TRAF5: variants seen among roughly 807,000 people sequenced by gnomAD.
TRAF5 encodes the protein TNF receptor associated factor 5, also known as TNF receptor-associated factor 5.
A neutral mutation model predicts 64.5 loss-of-function variants in TRAF5; 48 were observed. The ratio of observed to expected loss-of-function variants is 0.74; its 90% CI spans 0.59 to 0.95. TRAF5 has a LOEUF of 0.95. Ranked by LOEUF, TRAF5 falls within the 40% of genes least tolerant of loss-of-function variation. The pLI, the probability that TRAF5 is intolerant of heterozygous loss-of-function variation, is 0.00. For missense variants in TRAF5, 545 were observed against 662.8 expected (o/e 0.82, Z 1.95); for synonymous variants, 206 against 240.5 (o/e 0.86, Z 1.33).
In TRAF5 at chr1:211,372,852, G is replaced by GTGC. The variant is rs577701565; in HGVS notation, c.*153_*155dup. 1.0e-3 allele frequency: 668 copies of GTGC among 655,514 alleles called. 3 individuals carry two copies. In the Middle Eastern group the frequency reaches 0.011, roughly 11 times the overall value. 40.6% of individuals were successfully genotyped at this position (655,514 alleles called of 1,614,324 possible). A position where few individuals can be genotyped will look rare whatever the true frequency, so the allele number is the denominator to read the frequency against. On this transcript the variant is annotated 3_prime_UTR_variant, in exon 11 of 11. Transcript: ENST00000261464. Reference sequence around the variant, plus strand: ...TTGAAGTCAGTTTAAAACTTCTGAAGTGCTGTCTTTTTACATTTTACTCTG... The same window carrying GTGC: ...TTGAAGTCAGTTTAAAACTTCTGAAGTGCTGCTGTCTTTTTACATTTTACTCTG...
chr1:211,361,075 A>C lies in TRAF5; in HGVS notation c.622-13A>C. 1 of 1,613,364 alleles carries C rather than the reference A, an allele frequency of 6.2e-7. No individual in the cohort carries two copies. Among genetic ancestry groups the C allele is most frequent in the Non-Finnish European group, 8.5e-7 (1 of 1,179,356 alleles). ...TGATGAATTTCTATAGCTTGTGACT[A>C]TCCATTTCGTAGGTAGATGAACACC... is the stretch of plus-strand genomic sequence containing the variant. On this transcript the variant is annotated splice_polypyrimidine_tract_variant and intron_variant, in intron 6 of 10. Transcript: ENST00000261464.
chr1:211,353,095 G>A, intron 1 of TRAF5, 144 bp from the exon 2 acceptor site: 1 of 828,766 alleles, frequency 1.2e-6, no homozygotes, highest in East Asian at 2.6e-5. Context: ...GCAGGAGGTT[G>A]TCACTGTTGT....
At position 211,329,562 on chromosome 1, in the gene TRAF5, C is replaced by T. The variant is rs138321984; in HGVS notation, c.-2+2673C>T. 2.5e-3 allele frequency among the ~76,000 whole-genome samples: 382 copies of T among 152,328 alleles called. 1 individual carries two copies. The highest frequency in any genetic ancestry group is 8.9e-3 in the African/African-American group (369 of 41,562). ...CAGGACCTAATCCCAAGTCTTCTTTCTCCAATTCCTGTGTTTTTCCCATAG... is the reference window on the plus strand; with the variant it reads ...CAGGACCTAATCCCAAGTCTTCTTTTTCCAATTCCTGTGTTTTTCCCATAG... On this transcript the variant is annotated intron_variant, in intron 1 of 10. Transcript: ENST00000261464.
Position 211,369,562 on chromosome 1 carries a change from C to A in TRAF5, c.900C>A (p.Gly300=). The change falls in exon 9 of 11, where the codon GGC becomes GGA. Residue 300 remains glycine (G), a synonymous_variant. Coordinates refer to ENST00000261464, the MANE Select transcript of TRAF5 (RefSeq NM_001033910.3). ...KEFKQFAQLF[G]KNGSFLPNIQ... ...TCAAGCAGTTTGCACAGTTGTTTGG[C>A]AAAAATGGAAGCTTCCTCCCAAACA... 6.3e-7 allele frequency: 1 copy of A among 1,589,804 alleles called. No homozygotes were observed. The highest frequency in any genetic ancestry group is 8.5e-7 in the Non-Finnish European group (1 of 1,170,868).
chr1:211,365,603 C>T (rs1209184857), intron 8 of TRAF5, 135 bp downstream of exon 8: 18 of 664,832 alleles, frequency 2.7e-5, no homozygotes, highest in Non-Finnish European at 4.4e-5. Context: ...TATTAAGTGG[C>T]CAAACAGGCT....
intron 3 of TRAF5, among the ~76,000 whole-genome samples, 174 bp downstream of exon 3, chr1:211,354,641 G>C (rs918940405): frequency 6.6e-6 from 1 of 152,092 alleles, no homozygotes; most frequent in Non-Finnish European, 1.5e-5. Context: ...TGAGAGGCTT[G>C]TTTGGGTCTT....
intron 1 of TRAF5, among the ~76,000 whole-genome samples, chr1:211,352,618 C>G (rs1702827138): frequency 6.6e-6 from 1 of 151,618 alleles, no homozygotes; most frequent in Middle Eastern, 3.2e-3. Flanking sequence ...AGAGTGAGAC[C>G]TTGTCTCTGA....
chr1:211,345,361 T>TC (rs796132163), intron 1 of TRAF5, among the ~76,000 whole-genome samples: 626 of 147,572 alleles, frequency 4.2e-3, no homozygotes, highest in Middle Eastern at 0.014. Flanking sequence ...AGCCCTGCGC[T>TC]CCCCCCCCCT....
Position 211,363,324 on chromosome 1 carries a change from T to C in TRAF5, c.697-2052T>C, listed in dbSNP as rs373015934. Among the ~76,000 whole-genome samples, 69 of 152,314 alleles carry C rather than the reference T, an allele frequency of 4.5e-4. 1 individual carries two copies. Among genetic ancestry groups the C allele is most frequent in the African/African-American group, 1.5e-3 (61 of 41,586 alleles). ...CAAAGCTAAAAACAACCTGTAAGTC[T>C]ATCATTAAAACACCAACTATATAAT... On this transcript the variant is annotated intron_variant, in intron 7 of 10. Coordinates refer to ENST00000261464, the MANE Select transcript of TRAF5 (RefSeq NM_001033910.3).
At position 211,354,463 on chromosome 1, in the gene TRAF5, AG is replaced by A; in HGVS notation, c.274del (p.Glu92ArgfsTer62). ...CPVDKEVIKSQEVFKDNCCKR... is the reference protein window; with the variant it reads ...CPVDKEVIKSXEVFKDNCCKR... ...GTAGATAAAGAGGTCATCAAATCTC[AG>A]GAGGTAAGAAAGTCACTGCTTTTGT... On this transcript the variant is annotated frameshift_variant, in exon 3 of 11. Coordinates refer to ENST00000261464, the MANE Select transcript of TRAF5 (RefSeq NM_001033910.3). LOFTEE classifies it high-confidence loss of function. 6.2e-7 allele frequency: 1 copy of A among 1,609,648 alleles called. No individual in the cohort carries two copies. Among genetic ancestry groups the A allele is most frequent in the East Asian group, 2.2e-5 (1 of 44,818 alleles).
chr1:211,349,644 C>T (rs528555359), intron 1 of TRAF5, among the ~76,000 whole-genome samples: 7 of 152,210 alleles, frequency 4.6e-5, no homozygotes, highest in Admixed American at 3.3e-4. Context: ...GTCCAGAGAC[C>T]GAAAAGTTGG....
intron 7 of TRAF5, among the ~76,000 whole-genome samples, chr1:211,362,718 G>A (rs1174440674): frequency 1.3e-5 from 2 of 151,942 alleles, no homozygotes; most frequent in Non-Finnish European, 2.9e-5. Flanking sequence ...AACAACAAAA[G>A]CCCTTTCTTA....
intron 8 of TRAF5, among the ~76,000 whole-genome samples, chr1:211,367,989 G>A (rs1455685205): frequency 6.6e-6 from 1 of 152,072 alleles, no homozygotes; most frequent in Non-Finnish European, 1.5e-5. Context: ...ACTAGAATAT[G>A]GACAGGGTAT....
chr1:211,371,047 AG>A (rs1439023456), intron 9 of TRAF5, among the ~76,000 whole-genome samples: 1 of 152,200 alleles, frequency 6.6e-6, no homozygotes, highest in Non-Finnish European at 1.5e-5. Flanking sequence ...AGGGAAACAG[AG>A]GGAGGATAAA....
At chr1:211,331,685 G>A (rs139278062) in intron 1 of TRAF5, among the ~76,000 whole-genome samples, 35 of 150,232 alleles carry the variant, frequency 2.3e-4, no homozygotes, top group African/African-American at 8.1e-4. Context: ...TTTTTTTTGA[G>A]ATGGAGTTTC....
In TRAF5 at chr1:211,356,451, A is replaced by T. The variant is rs1158850159; in HGVS notation, c.361A>T (p.Ile121Phe). 3 of 1,614,120 alleles carry T rather than the reference A, an allele frequency of 1.9e-6. No individual in the cohort carries two copies. The Admixed American group carries it at 5.0e-5, about 27-fold the overall frequency. ...SNAPGCNAKV[I>F]LGRYQDHLQQ... The stretch of plus-strand genomic sequence containing the variant: ...TGCTCCTGGATGTAATGCCAAGGTT[A>T]TTCTGGGCCGGTACCAGGTTGGTAT... Residue 121 changes from isoleucine (I) to phenylalanine (F), a missense_variant, in exon 4 of 11, where the codon ATT becomes TTT. Physicochemically the swap from Ile to Phe is conservative, Grantham distance 21. Coordinates refer to ENST00000261464, the MANE Select transcript of TRAF5 (RefSeq NM_001033910.3).
chr1:211,363,780 C>T (rs533400435), intron 7 of TRAF5, among the ~76,000 whole-genome samples: 1 of 152,038 alleles, frequency 6.6e-6, no homozygotes, highest in Admixed American at 6.6e-5. Flanking sequence ...GGTGTGGTGG[C>T]GCACCCTGTA....
At chr1:211,368,070 A>G (rs1296990196) in intron 8 of TRAF5, among the ~76,000 whole-genome samples, 1 of 152,084 alleles carries the variant, frequency 6.6e-6, no homozygotes, top group Non-Finnish European at 1.5e-5. Flanking sequence ...TGTACCCATG[A>G]GTGGAGGCTT....
Position 211,326,864 on chromosome 1 carries a change from C to T in TRAF5, c.-27C>T, listed in dbSNP as rs1702028628. On this transcript the variant is annotated 5_prime_UTR_variant, in exon 1 of 11. Coordinates refer to ENST00000261464, the MANE Select transcript of TRAF5 (RefSeq NM_001033910.3). This position sits in a 1 kb window ranked among gnomAD's most constrained non-coding sequence, Gnocchi z 5.0. The stretch of plus-strand genomic sequence containing the variant: ...AGCAGCCGCGCCTGCAGACCGGCCT[C>T]GCGGAGCCCGCGCGCCGAGCCCCAC... The T allele has an allele frequency of 1.0e-6, 1 of 985,000 alleles. No individual in the cohort carries two copies. Among genetic ancestry groups the T allele is most frequent in the South Asian group, 4.5e-5 (1 of 22,128 alleles). The allele number at this position is 985,000 out of a possible 1,614,324, so 61.0% of individuals were successfully genotyped here. A position where few individuals can be genotyped will look rare whatever the true frequency, so the allele number is the denominator to read the frequency against.
Sources: gnomAD v4.1 joint callset for allele counts (sites outside exome capture counted in the v4.1 genomes callset) on GRCh38, gnomAD v4.1.1 for gene constraint, Gnocchi (gnomAD v3.1) non-coding constraint, MANE v1.5 for transcripts, NCBI Gene and HGNC (gene_info 2026-07-23, HGNC 2026-07-21) for gene names.